The following SPAG16 variants were observed in gnomAD, a reference collection of about 807,000 sequenced individuals.
The protein encoded by SPAG16 is sperm associated antigen 16.
SPAG16 carries 86 observed loss-of-function variants against 80.4 expected under a neutral mutation model. The ratio of observed to expected loss-of-function variants is 1.07; its 90% confidence interval spans 0.90 to 1.28. The LOEUF is 1.28. Among genes scored for constraint, SPAG16 ranks in the 50% most tolerant of loss-of-function variants. SPAG16 has a pLI of 0.00. For synonymous variants in SPAG16, 294 were observed against 265.9 expected (o/e 1.11, Z -1.03); for missense variants, 870 against 765.3 (o/e 1.14, Z -1.61).
chr2:213,802,110 T>C (rs1416900799), intron 10 of SPAG16, among the ~76,000 whole-genome samples: 1 of 152,178 alleles, frequency 6.6e-6, no homozygotes, highest in Non-Finnish European at 1.5e-5. Context: ...AAGGAAAAGC[T>C]TGAGATTATA....
At chr2:213,855,851 A>G (rs1445279862) in intron 10 of SPAG16, among the ~76,000 whole-genome samples, 2 of 152,204 alleles carry the variant, frequency 1.3e-5, no homozygotes, top group African/African-American at 2.4e-5. Flanking sequence ...GGGGATTATT[A>G]TAATTCAAGG....
intron 10 of SPAG16, among the ~76,000 whole-genome samples, chr2:213,770,880 T>G (rs2069206064): frequency 6.6e-6 from 1 of 152,246 alleles, no homozygotes; most frequent in Non-Finnish European, 1.5e-5. Context: ...GGCATTTGGT[T>G]GATTCCCTGT....
At chr2:213,686,674 CTTTTTT>C (rs748200040) in intron 10 of SPAG16, among the ~76,000 whole-genome samples, 2 of 86,142 alleles carry the variant, frequency 2.3e-5, no homozygotes, top group Non-Finnish European at 4.9e-5. Context: ...ATTAATCCAC[CTTTTTT>C]TTTTTTTTTT....
chr2:213,887,729 A>G (rs1322699551), intron 11 of SPAG16, among the ~76,000 whole-genome samples: 1 of 151,574 alleles, frequency 6.6e-6, no homozygotes, highest in East Asian at 1.9e-4. Flanking sequence ...TATGTTTTCT[A>G]TGTATATATC....
chr2:213,729,758 A>G (rs2066941488), intron 10 of SPAG16, among the ~76,000 whole-genome samples: 2 of 152,200 alleles, frequency 1.3e-5, no homozygotes, highest in Non-Finnish European at 2.9e-5. Context: ...TGGGAATGGC[A>G]AGCAAAGACA....
intron 15 of SPAG16, among the ~76,000 whole-genome samples, chr2:214,295,894 A>C (rs1480371907): frequency 6.6e-6 from 1 of 152,140 alleles, no homozygotes. Context: ...TGTATTTTTA[A>C]TTTTTATCTT....
At chr2:214,024,311 A>G (rs62191927) in intron 13 of SPAG16, among the ~76,000 whole-genome samples, 14,171 of 151,664 alleles carry the variant, frequency 0.093, 823 homozygotes, top group East Asian at 0.25. Context: ...ACTGATTTTT[A>G]TTCATTACTG....
At chr2:214,396,647 A>G (rs1476252256) in intron 15 of SPAG16, among the ~76,000 whole-genome samples, 1 of 152,098 alleles carries the variant, frequency 6.6e-6, no homozygotes, top group Non-Finnish European at 1.5e-5. Context: ...AAGATTCTGA[A>G]TTCCCAAAGA....
At chr2:213,827,119 G>T (rs2073351517) in intron 10 of SPAG16, among the ~76,000 whole-genome samples, 1 of 151,680 alleles carries the variant, frequency 6.6e-6, no homozygotes, top group African/African-American at 2.4e-5. Flanking sequence ...CAGATTACTG[G>T]GTCTTATTTT....
At chr2:213,632,461 A>G (rs985449678) in intron 10 of SPAG16, among the ~76,000 whole-genome samples, 2 of 152,008 alleles carry the variant, frequency 1.3e-5, no homozygotes, top group African/African-American at 4.8e-5. Flanking sequence ...TGACCTTTAT[A>G]TCTTTCTTTT....
chr2:213,725,706 G>A (rs1289345974), intron 10 of SPAG16, among the ~76,000 whole-genome samples: 1 of 152,248 alleles, frequency 6.6e-6, no homozygotes, highest in Non-Finnish European at 1.5e-5. Context: ...AGGGGATGGA[G>A]TTAATGGAGT....
chr2:214,062,432 A>G (rs2050314342), intron 13 of SPAG16, among the ~76,000 whole-genome samples: 1 of 150,334 alleles, frequency 6.7e-6, no homozygotes, highest in Non-Finnish European at 1.5e-5. Flanking sequence ...AAAAAAAAAA[A>G]AAAAAAAAAA....
chr2:213,683,764 C>G (rs2064514962), intron 10 of SPAG16, among the ~76,000 whole-genome samples: 1 of 151,992 alleles, frequency 6.6e-6, no homozygotes, highest in African/African-American at 2.4e-5. Flanking sequence ...TGCATATATA[C>G]ATAATTTGGT....
chr2:214,236,528 T>C (rs1689089845), intron 15 of SPAG16, among the ~76,000 whole-genome samples: 1 of 151,974 alleles, frequency 6.6e-6, no homozygotes, highest in South Asian at 2.1e-4. Flanking sequence ...GGCGGGCACC[T>C]GTAATCCCAG....
intron 15 of SPAG16, among the ~76,000 whole-genome samples, chr2:214,218,174 C>T (rs766549654): frequency 6.6e-6 from 1 of 152,124 alleles, no homozygotes; most frequent in Non-Finnish European, 1.5e-5. Flanking sequence ...CTTACATCAG[C>T]TTCTGTTGTC....
chr2:214,016,316 G>T (rs2047589667), intron 13 of SPAG16, among the ~76,000 whole-genome samples: 1 of 152,174 alleles, frequency 6.6e-6, no homozygotes, highest in Non-Finnish European at 1.5e-5. Flanking sequence ...CAGCATGCAA[G>T]AGAGCATGTG....
intron 10 of SPAG16, among the ~76,000 whole-genome samples, chr2:213,763,361 T>G (rs893340024): frequency 6.6e-6 from 1 of 152,174 alleles, no homozygotes; most frequent in Non-Finnish European, 1.5e-5. Context: ...TTATAATAGC[T>G]AAAAATTACA....
chr2:213,710,108 G>A (rs764874448), intron 10 of SPAG16, among the ~76,000 whole-genome samples: 47 of 151,966 alleles, frequency 3.1e-4, no homozygotes, highest in Non-Finnish European at 4.3e-4. Context: ...GTGAAACCTC[G>A]TCTCTACTAA....
At chr2:214,306,620 A>G (rs1037150217) in intron 15 of SPAG16, among the ~76,000 whole-genome samples, 9 of 152,170 alleles carry the variant, frequency 5.9e-5, no homozygotes, top group African/African-American at 1.9e-4. Flanking sequence ...CCTTTTCTGC[A>G]TCTGTTGAGA....
Sources: gnomAD v4.1 joint callset for allele counts (sites outside exome capture counted in the v4.1 genomes callset) on GRCh38, gnomAD v4.1.1 for gene constraint, MANE v1.5 for transcripts, NCBI Gene and HGNC (gene_info 2026-07-23, HGNC 2026-07-21) for gene names.